Variants in NRXN3 observed in about 807,000 individuals in gnomAD.
NRXN3 encodes the protein neurexin 3.
Under a neutral mutation model 137.6 loss-of-function variants are expected in NRXN3, and 32 were observed. The observed-to-expected ratio is 0.23, with a 90% confidence interval of 0.18 to 0.31. The LOEUF is 0.31. Ranked by LOEUF, NRXN3 falls within the 10% of genes least tolerant of loss-of-function variation. The pLI, the probability that NRXN3 is intolerant of heterozygous loss-of-function variation, is 1.00. For missense variants in NRXN3, 1,574 were observed against 2,062.5 expected, an observed-to-expected ratio of 0.76 and a Z score of 4.59; for synonymous variants, 798 against 784.5, an observed-to-expected ratio of 1.02 and a Z score of -0.29.
intron 17 of NRXN3, among the ~76,000 whole-genome samples, chr14:79,690,321 A>T (rs1156911282): frequency 1.3e-5 from 2 of 152,160 alleles, no homozygotes; most frequent in Non-Finnish European, 2.9e-5. Context: ...CATTATAATG[A>T]TCTCTAATCG....
chr14:79,208,846 A>G (rs1286521984), intron 15 of NRXN3, among the ~76,000 whole-genome samples: 3 of 152,204 alleles, frequency 2.0e-5, no homozygotes, highest in East Asian at 3.8e-4. Context: ...ACTTTAAGAA[A>G]AAAATTCAGC....
At chr14:79,282,576 C>G (rs181727972) in intron 15 of NRXN3, among the ~76,000 whole-genome samples, 3 of 152,170 alleles carry the variant, frequency 2.0e-5, no homozygotes, top group African/African-American at 7.2e-5. Flanking sequence ...ATTTCTTCAA[C>G]GATTGGTTGC....
chr14:78,794,556 A>G (rs751596290), intron 8 of NRXN3, among the ~76,000 whole-genome samples: 4 of 151,962 alleles, frequency 2.6e-5, no homozygotes, highest in Non-Finnish European at 5.9e-5. Flanking sequence ...AGTTTAGTTT[A>G]ATTAAAGTAG....
intron 4 of NRXN3, among the ~76,000 whole-genome samples, chr14:78,416,924 G>A (rs2153670805): frequency 6.6e-6 from 1 of 152,340 alleles, no homozygotes; most frequent in African/African-American, 2.4e-5. Flanking sequence ...TGAATGACAA[G>A]TGCTTTGTAA....
intron 15 of NRXN3, among the ~76,000 whole-genome samples, chr14:79,404,523 TAGA>T (rs1292414007): frequency 6.6e-6 from 1 of 152,098 alleles, no homozygotes; most frequent in Non-Finnish European, 1.5e-5. Context: ...AAAAGAAATC[TAGA>T]AGAAGAGTTC....
chr14:78,706,234 A>C (rs576362232), intron 6 of NRXN3, among the ~76,000 whole-genome samples: 1 of 152,354 alleles, frequency 6.6e-6, no homozygotes, highest in African/African-American at 2.4e-5. Context: ...AAGTTTGTTT[A>C]TGACAAAGAG....
rs2096887357 is a variant in NRXN3, at chr14:78,571,326, C to CT, written c.758-73793dup. 2.6e-5 allele frequency among the ~76,000 whole-genome samples: 4 copies of CT among 152,278 alleles called. No homozygotes were observed. The South Asian group carries it at 8.3e-4, about 32-fold the overall frequency. ...AGATGAGAGGAAAGAGGAAGAAACA[C>CT]TCACAGAGTAAACCTGGCCATATCT... On this transcript the variant is annotated intron_variant, in intron 4 of 20. Transcript: ENST00000335750.
intron 4 of NRXN3, among the ~76,000 whole-genome samples, chr14:78,475,377 A>C (rs1250852925): frequency 3.9e-5 from 6 of 152,212 alleles, no homozygotes; most frequent in Non-Finnish European, 5.9e-5. Flanking sequence ...TGAAGTGGCC[A>C]GGAATTCTGC....
At chr14:79,781,235 T>C (rs2099112866) in intron 19 of NRXN3, among the ~76,000 whole-genome samples, 1 of 152,188 alleles carries the variant, frequency 6.6e-6, no homozygotes, top group East Asian at 1.9e-4. Context: ...AACTATATAC[T>C]ACAGTTTGGT....
At chr14:79,457,691 T>C (rs1347707008) in intron 15 of NRXN3, among the ~76,000 whole-genome samples, 1 of 152,216 alleles carries the variant, frequency 6.6e-6, no homozygotes, top group Non-Finnish European at 1.5e-5. Context: ...GCCCCTGGCC[T>C]CTTGTAAGTA....
At chr14:78,655,535 G>T (rs2097777852) in intron 6 of NRXN3, among the ~76,000 whole-genome samples, 3 of 151,918 alleles carry the variant, frequency 2.0e-5, no homozygotes, top group Non-Finnish European at 2.9e-5. Context: ...TTTGTTTTTT[G>T]CCTTTGGTCA....
At chr14:78,943,622 ATATATAT>A (rs1359527022) in intron 10 of NRXN3, among the ~76,000 whole-genome samples, 321 of 24,260 alleles carry the variant, frequency 0.013, 28 homozygotes, top group Non-Finnish European at 0.023. Flanking sequence ...AAAAAAAAAA[ATATATAT>A]ATATATATAT....
At chr14:78,682,632 C>G (rs1202065339) in intron 6 of NRXN3, among the ~76,000 whole-genome samples, 2 of 150,626 alleles carry the variant, frequency 1.3e-5, no homozygotes, top group Non-Finnish European at 3.0e-5. Flanking sequence ...TAAGTGCTTA[C>G]TTGTAGGAAC....
At chr14:79,402,201 G>C (rs2095218884) in intron 15 of NRXN3, among the ~76,000 whole-genome samples, 1 of 152,144 alleles carries the variant, frequency 6.6e-6, no homozygotes, top group African/African-American at 2.4e-5. Context: ...CTCCCAAAGT[G>C]CTGGGATTAC....
intron 19 of NRXN3, among the ~76,000 whole-genome samples, chr14:79,742,543 T>C (rs2098966568): frequency 6.6e-6 from 1 of 152,186 alleles, no homozygotes. Context: ...ATCCAAGTAT[T>C]TCTAAATAAA....
intron 15 of NRXN3, among the ~76,000 whole-genome samples, chr14:79,070,008 CT>C (rs1469304572): frequency 2.0e-5 from 3 of 152,130 alleles, no homozygotes; most frequent in Non-Finnish European, 2.9e-5. Context: ...TTCCTTCCAT[CT>C]CTACCTGTTT....
intron 16 of NRXN3, among the ~76,000 whole-genome samples, chr14:79,517,098 C>CG (rs1555499634): frequency 2.7e-5 from 4 of 148,832 alleles, no homozygotes; most frequent in Non-Finnish European, 5.9e-5. Context: ...TACAGCCCCC[C>CG]CCCCCTCAAC....
intron 8 of NRXN3, among the ~76,000 whole-genome samples, chr14:78,777,659 C>T (rs140503391): frequency 6.6e-6 from 1 of 152,288 alleles, no homozygotes; most frequent in Middle Eastern, 3.4e-3. Context: ...GCTGGTCAAA[C>T]AATGGCAACC....
intron 16 of NRXN3, among the ~76,000 whole-genome samples, chr14:79,575,729 T>C (rs1016716092): frequency 3.9e-5 from 6 of 152,150 alleles, no homozygotes; most frequent in African/African-American, 1.4e-4. Flanking sequence ...ATTGCTTCCA[T>C]GTTTGAGTAT....
Sources: allele counts gnomAD v4.1 joint callset (sites outside exome capture counted in the v4.1 genomes callset), GRCh38; gene constraint gnomAD v4.1.1; transcripts MANE v1.5; gene names NCBI Gene and HGNC (gene_info 2026-07-23, HGNC 2026-07-21).